ZPBP: variants seen among roughly 807,000 people sequenced by gnomAD.
ZPBP encodes zona pellucida-binding protein 1.
ZPBP carries 26 observed loss-of-function variants against 44.8 expected under a neutral mutation model. That is an observed-to-expected ratio of 0.58 (90% CI 0.43 to 0.81). The LOEUF (loss-of-function observed/expected upper bound fraction) is 0.81, where lower values mean the gene tolerates loss of function less well. Among genes scored for constraint, ZPBP ranks in the 30% least tolerant of loss-of-function variants. The pLI, the probability that ZPBP is intolerant of heterozygous loss-of-function variation, is 0.00. For synonymous variants in ZPBP, 174 were observed against 153.2 expected, an observed-to-expected ratio of 1.14 and a Z score of -1.00; for missense variants, 409 against 434.0, an observed-to-expected ratio of 0.94 and a Z score of 0.51.
chr7:49,989,508 G>T (rs1231036250), intron 6 of ZPBP, among the ~76,000 whole-genome samples: 1 of 152,150 alleles, frequency 6.6e-6, no homozygotes, highest in Admixed American at 6.5e-5. Context: ...AAATAATCAG[G>T]CCAAGTATAA....
chr7:50,017,048 A>G (rs1798849705), intron 6 of ZPBP, among the ~76,000 whole-genome samples: 1 of 151,906 alleles, frequency 6.6e-6, no homozygotes, highest in African/African-American at 2.4e-5. Flanking sequence ...AGGGTGGGGG[A>G]TGGTTCGAGG....
At chr7:49,944,253 G>T in intron 7 of ZPBP, 1 of 361,816 alleles carries the variant, frequency 2.8e-6, no homozygotes, top group Non-Finnish European at 5.3e-6. Flanking sequence ...ACCTTTGATT[G>T]ATATTCCAGG....
intron 3 of ZPBP, 86 bp downstream of exon 3, chr7:50,081,688 A>G: frequency 6.8e-7 from 1 of 1,473,032 alleles, no homozygotes; most frequent in Non-Finnish European, 9.4e-7. Context: ...AATAACATAA[A>G]TATGTATGAG....
chr7:49,853,577 G>A (rs1790285556), intron 2 of ZPBP, among the ~76,000 whole-genome samples: 1 of 151,770 alleles, frequency 6.6e-6, no homozygotes, highest in Admixed American at 6.6e-5. Context: ...CCTATAATGA[G>A]ATTAAATGAA....
At chr7:49,969,865 A>AGT (rs397889760) in intron 7 of ZPBP, among the ~76,000 whole-genome samples, 3 of 140,664 alleles carry the variant, frequency 2.1e-5, no homozygotes, top group Non-Finnish European at 4.7e-5. Flanking sequence ...AGAGAGAGAG[A>AGT]CAGAGACAGA....
At chr7:49,984,305 A>G (rs1170565110) in intron 6 of ZPBP, among the ~76,000 whole-genome samples, 2 of 152,200 alleles carry the variant, frequency 1.3e-5, no homozygotes, top group African/African-American at 4.8e-5. Flanking sequence ...AATTTCTATA[A>G]TGTCCAGGTT....
chr7:49,898,232 AAC>A (rs1562760176), intron 2 of ZPBP, among the ~76,000 whole-genome samples: 2 of 152,008 alleles, frequency 1.3e-5, no homozygotes, highest in African/African-American at 2.4e-5. Context: ...CACACACACA[AAC>A]ACACAGATAT....
chr7:50,085,920 G>A (rs548344913), intron 2 of ZPBP, among the ~76,000 whole-genome samples: 1 of 152,242 alleles, frequency 6.6e-6, no homozygotes, highest in African/African-American at 2.4e-5. Context: ...TAAAGATGAA[G>A]AGGCCTTAAG....
intron 7 of ZPBP, among the ~76,000 whole-genome samples, chr7:49,972,533 C>G (rs958538591): frequency 6.6e-6 from 1 of 151,882 alleles, no homozygotes. Context: ...TGCAAGGAGG[C>G]AAAAGGCTTG....
intron 1 of ZPBP, chr7:49,914,440 C>T (rs1388609094): frequency 6.6e-6 from 1 of 152,226 alleles, no homozygotes. Context: ...GTCACCAGCA[C>T]ACACTCCTAA....
At chr7:50,008,734 T>C (rs994053234) in intron 6 of ZPBP, among the ~76,000 whole-genome samples, 2 of 152,048 alleles carry the variant, frequency 1.3e-5, no homozygotes, top group African/African-American at 4.8e-5. Flanking sequence ...GTCAAAATGA[T>C]TTCTAAAAAG....
intron 7 of ZPBP, among the ~76,000 whole-genome samples, chr7:49,974,167 A>C (rs540823386): frequency 6.6e-6 from 1 of 152,314 alleles, no homozygotes; most frequent in South Asian, 2.1e-4. Context: ...TTGTTTAATT[A>C]ATACAATTTT....
At chr7:49,940,105 C>T (rs530238071) in intron 7 of ZPBP, among the ~76,000 whole-genome samples, 2 of 152,246 alleles carry the variant, frequency 1.3e-5, no homozygotes, top group South Asian at 2.1e-4. Context: ...TGATTGGGAA[C>T]ATGGGTAGGA....
intron 1 of ZPBP, chr7:49,921,615 G>A (rs894198751): frequency 3.9e-5 from 6 of 152,056 alleles, no homozygotes; most frequent in African/African-American, 1.4e-4. Context: ...AAAACACGTA[G>A]CCTAGAATAG....
At chr7:49,914,675 A>G (rs2128744473) in intron 1 of ZPBP, 1 of 152,352 alleles carries the variant, frequency 6.6e-6, no homozygotes, top group Non-Finnish European at 1.5e-5. Context: ...ATACATAGCT[A>G]TCTCAGATTG....
At chr7:50,029,376 T>C (rs986509942) in intron 5 of ZPBP, among the ~76,000 whole-genome samples, 3 of 152,140 alleles carry the variant, frequency 2.0e-5, no homozygotes, top group Non-Finnish European at 4.4e-5. Flanking sequence ...TAGCTAAAAC[T>C]ACAGAAGGAG....
chr7:49,972,604 T>C (rs1583945685), intron 7 of ZPBP, among the ~76,000 whole-genome samples: 2 of 152,194 alleles, frequency 1.3e-5, no homozygotes, highest in East Asian at 3.9e-4. Context: ...TGGAAAGGCA[T>C]TCTGTGGTCA....
At chr7:50,041,204 T>G (rs747244760) in intron 4 of ZPBP, among the ~76,000 whole-genome samples, 1 of 152,140 alleles carries the variant, frequency 6.6e-6, no homozygotes. Context: ...ACAGAGCACC[T>G]GGGGGAAGGG....
chr7:50,057,939 T>C (rs1801048193), intron 4 of ZPBP, 50 bp downstream of exon 4: 1 of 1,529,518 alleles, frequency 6.5e-7, no homozygotes, highest in Admixed American at 1.7e-5. Context: ...CATATTTAAA[T>C]GTTTAAAATC....
Sources: allele counts gnomAD v4.1 joint callset (sites outside exome capture counted in the v4.1 genomes callset), GRCh38; gene constraint gnomAD v4.1.1; transcripts MANE v1.5; gene names NCBI Gene and HGNC (gene_info 2026-07-23, HGNC 2026-07-21).